Variants in BAD observed in about 807,000 individuals in gnomAD.
The protein encoded by BAD is BCL2 associated agonist of cell death.
Under a neutral mutation model 17.8 loss-of-function variants are expected in BAD, and 18 were observed. The ratio of observed to expected loss-of-function variants is 1.01; its 90% CI spans 0.70 to 1.50. BAD has a LOEUF of 1.50. Among genes scored for constraint, BAD ranks in the 40% most tolerant of loss-of-function variants. The pLI, the probability that BAD is intolerant of heterozygous loss-of-function variation, is 0.00. For missense variants in BAD, 294 were observed against 239.3 expected, an observed-to-expected ratio of 1.23 and a Z score of -1.51; for synonymous variants, 112 against 91.5, an observed-to-expected ratio of 1.22 and a Z score of -1.28.
At chr11:64,282,881 GA>G (rs541902877) in intron 2 of BAD, among the ~76,000 whole-genome samples, 963 of 88,056 alleles carry the variant, frequency 0.011, 8 homozygotes, top group Middle Eastern at 0.057. Flanking sequence ...TCCGTCTCAG[GA>G]AAAAAAAAAA....
In BAD at chr11:64,284,284, C is replaced by A; in HGVS notation, c.85G>T (p.Asp29Tyr). 1.9e-6 allele frequency: 3 copies of A among 1,611,902 alleles called. No homozygotes were observed. Among genetic ancestry groups the A allele is most frequent in the Non-Finnish European group, 2.5e-6 (3 of 1,179,944 alleles). ...TGCTTGCCGGAGCCTGAGGGCCCGT[C>A]CCCTGCGGGGCTGGGGCCCAGGCCC... is the stretch of plus-strand genomic sequence containing the variant. ...ERGLGPSPAG[D>Y]GPSGSGKHHR... is the part of the protein sequence containing the mutation. Residue 29 changes from aspartate to tyrosine, a missense_variant, in exon 2 of 4, where the codon GAC becomes TAC. By Grantham distance (160) the Asp-to-Tyr change is radical. Transcript: ENST00000309032.
chr11:64,274,269 T>C (rs2032875976), intron 2 of BAD, among the ~76,000 whole-genome samples: 1 of 151,258 alleles, frequency 6.6e-6, no homozygotes, highest in African/African-American at 2.4e-5. Flanking sequence ...GCGCCTTAGT[T>C]CCAGCTACTC....
At chr11:64,279,806 A>G (rs1591166893) in intron 2 of BAD, among the ~76,000 whole-genome samples, 1 of 149,258 alleles carries the variant, frequency 6.7e-6, no homozygotes, top group Admixed American at 6.7e-5. Context: ...CCCACCCTCT[A>G]GGGTAGCCTC....
Position 64,284,262 on chromosome 11 carries a change from T to C in BAD, c.107A>G (p.Lys36Arg), listed in dbSNP as rs2033687819. 6.2e-7 allele frequency: 1 copy of C among 1,611,436 alleles called. No homozygotes were observed. Among genetic ancestry groups the C allele is most frequent in the East Asian group, 2.2e-5 (1 of 44,852 alleles). The part of the protein sequence containing the change: ...PAGDGPSGSG[K>R]HHRQAPGLLW... ...GAGGCCTGGGGCCTGGCGATGATGC[T>C]TGCCGGAGCCTGAGGGCCCGTCCCC... is the stretch of plus-strand genomic sequence containing the variant. Residue 36 changes from lysine to arginine, a missense_variant, in exon 2 of 4, where the codon AAG becomes AGG. Lys to Arg is a conservative substitution (Grantham distance 26). Transcript: ENST00000309032.
At chr11:64,270,435 G>T in intron 3 of BAD, 98 bp from the exon 4 acceptor site, 1 of 1,438,534 alleles carries the variant, frequency 7.0e-7, no homozygotes, top group South Asian at 1.4e-5. Context: ...GAGATCGGGG[G>T]GGAGATAATG....
intron 2 of BAD, among the ~76,000 whole-genome samples, chr11:64,272,390 G>T (rs192460510): frequency 6.6e-6 from 1 of 152,204 alleles, no homozygotes; most frequent in East Asian, 1.9e-4. Context: ...CCCTGGGTTG[G>T]TAGCTATTTC....
intron 2 of BAD, among the ~76,000 whole-genome samples, chr11:64,273,565 C>T (rs1040717352): frequency 6.6e-6 from 1 of 151,796 alleles, no homozygotes; most frequent in Non-Finnish European, 1.5e-5. Context: ...AGCAAACACT[C>T]AGAGTGCAAT....
intron 2 of BAD, chr11:64,276,957 ACATCCCTGCTGATGCTTCCGCGAG>A: frequency 4.0e-6 from 3 of 753,506 alleles, no homozygotes; most frequent in East Asian, 2.5e-5. Flanking sequence ...GCTGGGGCGG[ACATCCCTGCTGATGCTTCCGCGAG>A]CATCCCTGCA....
chr11:64,282,651 G>A (rs993974678), intron 2 of BAD, among the ~76,000 whole-genome samples: 7 of 152,110 alleles, frequency 4.6e-5, no homozygotes, highest in African/African-American at 1.2e-4. Context: ...AGGCTGAGGC[G>A]GGTGGATTAC....
Position 64,270,004 on chromosome 11 carries a change from TGGGC to T in BAD, c.*201_*204del. 1.0e-6 allele frequency: 1 copy of T among 984,050 alleles called. No individual in the cohort carries two copies. The highest frequency in any genetic ancestry group is 1.4e-5 in the South Asian group (1 of 70,354). The allele number at this position is 984,050 out of a possible 1,614,324, so 61.0% of individuals were successfully genotyped here. A position where few individuals can be genotyped will look rare whatever the true frequency, so the allele number is the denominator to read the frequency against. ...GCCACGGAGCCACTTCCGGCGGCTG[TGGGC>T]GGAAAACCCAAAACTTCCGATGGGA... On this transcript the variant is annotated 3_prime_UTR_variant, in exon 4 of 4. Coordinates refer to ENST00000309032, the MANE Select transcript of BAD (RefSeq NM_032989.3).
chr11:64,276,103 C>G (rs548081524), intron 2 of BAD, among the ~76,000 whole-genome samples: 1 of 152,220 alleles, frequency 6.6e-6, no homozygotes, highest in Admixed American at 6.5e-5. Context: ...GAGGCCTAGG[C>G]TGGGGAAGGC....
In BAD at chr11:64,284,641, A is replaced by G; in HGVS notation, c.-19T>C. ...GCGCACAGGTCTCACCCCAAGCCCG[A>G]TCTCGAGGCCCCTGACCCGGGCCTG... On this transcript the variant is annotated 5_prime_UTR_variant, in exon 1 of 4. Coordinates refer to ENST00000309032, the MANE Select transcript of BAD (RefSeq NM_032989.3). 1 of 1,529,776 alleles carries G rather than the reference A, an allele frequency of 6.5e-7. No homozygotes were observed. The highest frequency in any genetic ancestry group is 1.2e-5 in the South Asian group (1 of 83,438). The allele number at this position is 1,529,776 out of a possible 1,614,324, so 94.8% of individuals were successfully genotyped here.
rs1317599613 is a variant in BAD at position 64,269,903 on chromosome 11, C to A, written c.*306G>T. The A allele has an allele frequency of 1.4e-6, 1 of 701,422 alleles. No individual in the cohort carries two copies. The highest frequency in any genetic ancestry group is 1.5e-5 in the South Asian group (1 of 66,712). The allele number at this position is 701,422 out of a possible 1,614,324, so 43.4% of individuals were successfully genotyped here. On this transcript the variant is annotated 3_prime_UTR_variant, in exon 4 of 4. Transcript: ENST00000309032. The stretch of plus-strand genomic sequence containing the variant: ...CCAGGGCATCGCGGGGGCTCGGGTC[C>A]CGGTGACGCAACGGTTAAACCTGGC...
intron 2 of BAD, among the ~76,000 whole-genome samples, chr11:64,273,141 G>T (rs2032766078): frequency 6.6e-6 from 1 of 152,220 alleles, no homozygotes; most frequent in Non-Finnish European, 1.5e-5. Flanking sequence ...GGCCAAGGCA[G>T]GTGGATCACC....
At chr11:64,275,901 A>G (rs981049427) in intron 2 of BAD, 3 of 151,950 alleles carry the variant, frequency 2.0e-5, no homozygotes, top group African/African-American at 7.3e-5. Flanking sequence ...GCCACACCCT[A>G]TCAGGGAGGT....
chr11:64,273,619 G>A (rs2032807739), intron 2 of BAD, among the ~76,000 whole-genome samples: 1 of 152,028 alleles, frequency 6.6e-6, no homozygotes, highest in African/African-American at 2.4e-5. Context: ...AGTGGCTCAC[G>A]CCTGTAATCC....
At chr11:64,275,932 C>T (rs2033024583) in intron 2 of BAD, among the ~76,000 whole-genome samples, 2 of 152,080 alleles carry the variant, frequency 1.3e-5, no homozygotes, top group Admixed American at 6.6e-5. Flanking sequence ...TGCCATTTTA[C>T]AGAGGAAGAA....
Position 64,271,690 on chromosome 11 carries a change from G to GT in BAD, c.300_301insA (p.Pro101ThrfsTer19), listed in dbSNP as rs1203326442. ...CGCTGTGCTGCCCAGAGGTTGGGGG[G>GT]CGCCGAGCGCGAGCGGCCCCGAAAG... is the stretch of plus-strand genomic sequence containing the variant. On this transcript the variant is annotated frameshift_variant, in exon 3 of 4. Coordinates refer to ENST00000309032, the MANE Select transcript of BAD (RefSeq NM_032989.3). LOFTEE classifies it high-confidence loss of function. The GT allele has an allele frequency of 6.8e-7, 1 of 1,472,070 alleles. No individual in the cohort carries two copies. Among genetic ancestry groups the GT allele is most frequent in the South Asian group, 1.3e-5 (1 of 74,400 alleles). The allele number at this position is 1,472,070 out of a possible 1,614,324, so 91.2% of individuals were successfully genotyped here. A position where few individuals can be genotyped will look rare whatever the true frequency, so the allele number is the denominator to read the frequency against.
chr11:64,270,252 C>T lies in BAD; in HGVS notation c.464G>A (p.Trp155Ter), dbSNP rs777104570. The change falls in exon 4 of 4, where the codon TGG (tryptophan) becomes TAG (stop). Residue 155 changes from tryptophan (W) to a stop codon, truncating the protein, a stop_gained. Transcript: ENST00000309032. LOFTEE classifies it high-confidence loss of function. ...SSWTRVFQSW[W>*]DRNLGRGSSA... ...GCTTCCCCTGCCCAAGTTCCGATCCCACCAGGACTGGAAGACTCGCGTCCA... is the reference window on the plus strand; with the variant it reads ...GCTTCCCCTGCCCAAGTTCCGATCCTACCAGGACTGGAAGACTCGCGTCCA... 28 of 1,607,018 alleles carry T rather than the reference C, an allele frequency of 1.7e-5. No homozygotes were observed. The highest frequency in any genetic ancestry group is 4.4e-5 in the South Asian group (4 of 90,700).
Sources: gnomAD v4.1 joint callset for allele counts (sites outside exome capture counted in the v4.1 genomes callset) on GRCh38, gnomAD v4.1.1 for gene constraint, MANE v1.5 for transcripts, NCBI Gene and HGNC (gene_info 2026-07-23, HGNC 2026-07-21) for gene names.